TMEM65: variants seen among roughly 807,000 people sequenced by gnomAD.
The protein encoded by TMEM65 is transmembrane protein 65.
In TMEM65, 22 loss-of-function variants were observed where a neutral mutation model predicts 25.4. That is an observed-to-expected ratio of 0.86 (90% confidence interval 0.62 to 1.23). The LOEUF is 1.23. TMEM65 is among the 50% of genes most tolerant of loss of function. TMEM65 has a pLI of 0.00. For synonymous variants in TMEM65, 132 were observed against 126.2 expected (o/e 1.05, Z -0.31); for missense variants, 262 against 308.2 (o/e 0.85, Z 1.12).
chr8:124,368,167 G>C (rs980272191), intron 1 of TMEM65, among the ~76,000 whole-genome samples: 357 of 129,606 alleles, frequency 2.8e-3, no homozygotes, highest in Middle Eastern at 0.013. Flanking sequence ...TTCACACCTT[G>C]TGTAGTACTC....
intron 1 of TMEM65, among the ~76,000 whole-genome samples, chr8:124,339,216 AAAAAAAATATATATATATATATAT>A (rs1317857171): frequency 1.2e-4 from 3 of 25,758 alleles, no homozygotes; most frequent in Non-Finnish European, 2.5e-4. Flanking sequence ...AAAAAAAAAA[AAAAAAAATATATATATATATATAT>A]ATATATATAA....
intron 1 of TMEM65, among the ~76,000 whole-genome samples, chr8:124,351,458 T>A (rs1160826398): frequency 3.3e-5 from 5 of 152,210 alleles, no homozygotes; most frequent in African/African-American, 4.8e-5. Flanking sequence ...TTAGAAACGC[T>A]GATAAAGTGT....
chr8:124,359,106 G>C (rs949182246), intron 1 of TMEM65, among the ~76,000 whole-genome samples: 2 of 152,182 alleles, frequency 1.3e-5, no homozygotes, highest in African/African-American at 4.8e-5. Flanking sequence ...GCAAGCTTTG[G>C]CTTTTGGAAA....
At chr8:124,323,159 G>A (rs1391891780) in intron 4 of TMEM65, among the ~76,000 whole-genome samples, 162 bp downstream of exon 4, 1 of 152,002 alleles carries the variant, frequency 6.6e-6, no homozygotes, top group Non-Finnish European at 1.5e-5. Context: ...CAGAAAAAGT[G>A]CTACATGTAC....
intron 1 of TMEM65, among the ~76,000 whole-genome samples, chr8:124,334,099 A>T (rs1436317220): frequency 6.6e-6 from 1 of 152,232 alleles, no homozygotes; most frequent in East Asian, 1.9e-4. Context: ...TTGCAGTTTG[A>T]ACCTAACCAT....
intron 4 of TMEM65, among the ~76,000 whole-genome samples, chr8:124,322,726 G>A (rs1223815799): frequency 6.6e-6 from 1 of 152,008 alleles, no homozygotes; most frequent in Non-Finnish European, 1.5e-5. Flanking sequence ...GGCTGGGCGT[G>A]GTGGCTCACA....
intron 5 of TMEM65, 97 bp from the exon 6 acceptor site, chr8:124,320,288 A>G: frequency 1.2e-6 from 1 of 848,178 alleles, no homozygotes; most frequent in East Asian, 2.8e-5. Context: ...GACAAAATAT[A>G]GGTTTTTAAA....
At position 124,367,543 on chromosome 8, in the gene TMEM65, A is replaced by C. The variant is rs538685278; in HGVS notation, c.304+4311T>G. 5.9e-5 allele frequency among the ~76,000 whole-genome samples: 9 copies of C among 152,350 alleles called. 1 individual carries two copies. The South Asian group carries it at 1.9e-3, about 32-fold the overall frequency. On this transcript the variant is annotated intron_variant, in intron 1 of 6. Transcript: ENST00000297632. ...AATCCTGAGCAATGGGCTGAAAAAAAATAAGGATAATCTTGTTAAAGGTCC... is the reference window on the plus strand; with the variant it reads ...AATCCTGAGCAATGGGCTGAAAAAACATAAGGATAATCTTGTTAAAGGTCC...
chr8:124,314,467 G>C (rs1424802542), intron 6 of TMEM65, among the ~76,000 whole-genome samples: 2 of 152,224 alleles, frequency 1.3e-5, no homozygotes, highest in Non-Finnish European at 1.5e-5. Flanking sequence ...CCAATGATTT[G>C]TTTAAAAGTC....
At position 124,320,151 on chromosome 8, in the gene TMEM65, G is replaced by A; in HGVS notation, c.556C>T (p.Leu186=). The A allele has an allele frequency of 6.2e-7, 1 of 1,613,270 alleles. No homozygotes were observed. The highest frequency in any genetic ancestry group is 1.1e-5 in the South Asian group (1 of 91,058). ...TTTGGTGTGAGATCAGGAATTGACA[G>A]GCCTAACCTGGAAGCCAATGCTTCA... ...YVEALASRLG[L]SIPDLTPKQV... Residue 186 remains leucine, a synonymous_variant, in exon 6 of 7, where the codon CTG becomes TTG. Transcript: ENST00000297632.
rs1479299603 is a variant in TMEM65 at position 124,307,182 on chromosome 8, A to G, written c.*6778T>C. 1 of 152,202 alleles carries G rather than the reference A, an allele frequency of 6.6e-6. No homozygotes were observed. Among genetic ancestry groups the G allele is most frequent in the African/African-American group, 2.4e-5 (1 of 41,454 alleles). The allele number at this position is 152,202 out of a possible 1,614,324, so 9.4% of individuals were successfully genotyped here. A position where few individuals can be genotyped will look rare whatever the true frequency, so the allele number is the denominator to read the frequency against. ...GCCATGTGATGTTTATCATCTCCACATGGGCAGTTCATCTCTCCAGTAAAT... is the reference window on the plus strand; with the variant it reads ...GCCATGTGATGTTTATCATCTCCACGTGGGCAGTTCATCTCTCCAGTAAAT... On this transcript the variant is annotated 3_prime_UTR_variant, in exon 7 of 7. Coordinates refer to ENST00000297632, the MANE Select transcript of TMEM65 (RefSeq NM_194291.3).
At chr8:124,324,184 T>TGG (rs1814339021) in intron 3 of TMEM65, among the ~76,000 whole-genome samples, 1 of 152,116 alleles carries the variant, frequency 6.6e-6, no homozygotes, top group Non-Finnish European at 1.5e-5. Flanking sequence ...TACTGATGCT[T>TGG]GAACATTTCT....
rs987045807 is a variant in TMEM65 at position 124,309,165 on chromosome 8, C to G, written c.*4795G>C. The G allele has an allele frequency of 6.6e-6, 1 of 152,206 alleles. No homozygotes were observed. The highest frequency in any genetic ancestry group is 1.5e-5 in the Non-Finnish European group (1 of 68,042). 9.4% of individuals were successfully genotyped at this position (152,206 alleles called of 1,614,324 possible). ...CTTTATTTTAATACAATATATGATA[C>G]ATATAACATACAAAATACGTGTTAA... On this transcript the variant is annotated 3_prime_UTR_variant, in exon 7 of 7. Transcript: ENST00000297632.
Position 124,372,313 on chromosome 8 carries a change from G to A in TMEM65, c.-156C>T, listed in dbSNP as rs1815030527. On this transcript the variant is annotated 5_prime_UTR_variant, in exon 1 of 7. Transcript: ENST00000297632. ...CACCATGCACTCCGCGGGCCCGCGC[G>A]GCTCTCGCCTCCTGTTCCGTCCCCA... 3.5e-6 allele frequency: 2 copies of A among 565,084 alleles called. No homozygotes were observed. The highest frequency in any genetic ancestry group is 4.7e-6 in the Non-Finnish European group (2 of 429,594). The allele number at this position is 565,084 out of a possible 1,614,324, so 35.0% of individuals were successfully genotyped here.
chr8:124,314,867 G>T (rs1442202524), intron 6 of TMEM65, among the ~76,000 whole-genome samples: 1 of 151,604 alleles, frequency 6.6e-6, no homozygotes, highest in Non-Finnish European at 1.5e-5. Flanking sequence ...TAGAGCCAGG[G>T]TCTCCCTATG....
In TMEM65 at chr8:124,308,583, T is replaced by TTAAATAAATAAATAAATAAA. The variant is rs60718572; in HGVS notation, c.*5376_*5377insTTTATTTATTTATTTATTTA. 1.6e-4 allele frequency: 25 copies of TTAAATAAATAAATAAATAAA among 152,018 alleles called. No homozygotes were observed. The highest frequency in any genetic ancestry group is 6.0e-4 in the African/African-American group (25 of 41,466). The allele number at this position is 152,018 out of a possible 1,614,324, so 9.4% of individuals were successfully genotyped here. On this transcript the variant is annotated 3_prime_UTR_variant, in exon 7 of 7. Transcript: ENST00000297632. ...TGAAAGAGGTTGTAGATATGTCAAATTAAATAAATAAATAAATGGTGGAGG... is the reference window on the plus strand; with the variant it reads ...TGAAAGAGGTTGTAGATATGTCAAATTAAATAAATAAATAAATAAATAAATAAATAAATAAATGGTGGAGG...
intron 6 of TMEM65, among the ~76,000 whole-genome samples, chr8:124,319,377 A>G (rs903470647): frequency 6.6e-6 from 1 of 152,106 alleles, no homozygotes; most frequent in East Asian, 1.9e-4. Context: ...TCACTTAGGT[A>G]AGAGGCTCAA....
Position 124,316,435 on chromosome 8 carries a change from A to G in TMEM65, c.622-2374T>C, listed in dbSNP as rs138357441. Among the ~76,000 whole-genome samples, 389 of 152,332 alleles carry G rather than the reference A, an allele frequency of 2.6e-3. 1 individual carries two copies. The highest frequency in any genetic ancestry group is 8.0e-3 in the African/African-American group (331 of 41,584). On this transcript the variant is annotated intron_variant, in intron 6 of 6. Transcript: ENST00000297632. ...GTAAATTTCAGAGTTAGCTTTTGTCATGAGTAGATGGCTGGTCACTAACTT... is the reference window on the plus strand; with the variant it reads ...GTAAATTTCAGAGTTAGCTTTTGTCGTGAGTAGATGGCTGGTCACTAACTT...
At position 124,320,199 on chromosome 8, in the gene TMEM65, G is replaced by T; in HGVS notation, c.516-8C>A. 6.2e-7 allele frequency: 1 copy of T among 1,603,814 alleles called. No homozygotes were observed. The highest frequency in any genetic ancestry group is 8.5e-7 in the Non-Finnish European group (1 of 1,172,244). On this transcript the variant is annotated splice_polypyrimidine_tract_variant and splice_region_variant and intron_variant, in intron 5 of 6. Coordinates refer to ENST00000297632, the MANE Select transcript of TMEM65 (RefSeq NM_194291.3). ...TCAACGTAGCCTGCAAGTCTTTGAA[G>T]AAACAAGACAATATGATATATAGGT...
Sources: allele counts gnomAD v4.1 joint callset (sites outside exome capture counted in the v4.1 genomes callset), GRCh38; gene constraint gnomAD v4.1.1; transcripts MANE v1.5; gene names NCBI Gene and HGNC (gene_info 2026-07-23, HGNC 2026-07-21).